UGT1A5: variants seen among roughly 807,000 people sequenced by gnomAD.
UGT1A5 encodes UDP glucuronosyltransferase family 1 member A5.
In UGT1A5, 29 loss-of-function variants were observed where a neutral mutation model predicts 40.3. The observed-to-expected ratio is 0.72, with a 90% CI of 0.54 to 0.98. UGT1A5 has a LOEUF of 0.98. UGT1A5 is among the 50% of genes least tolerant of loss of function. The pLI is 0.00. For synonymous variants in UGT1A5, 257 were observed against 262.5 expected (o/e 0.98, Z 0.20); for missense variants, 678 against 677.9 (o/e 1.00, Z 0.00).
At chr2:233,724,256 C>T (rs2077196929) in intron 1 of UGT1A5, among the ~76,000 whole-genome samples, 1 of 131,772 alleles carries the variant, frequency 7.6e-6, no homozygotes, top group African/African-American at 2.9e-5. Flanking sequence ...CGCCCCTCAC[C>T]TCCCGGACGG....
At position 233,719,697 on chromosome 2, in the gene UGT1A5, G is replaced by T. The variant is rs768448140; in HGVS notation, c.867+5839G>T. ...GAAGCCACTATCTCAGGTCTGTATT[G>T]GTGCCTTCATCCAATCAATGTTCCA... On this transcript the variant is annotated intron_variant, in intron 1 of 4. Coordinates refer to ENST00000373414, the MANE Select transcript of UGT1A5 (RefSeq NM_019078.2). 1.2e-5 allele frequency: 19 copies of T among 1,613,928 alleles called. No homozygotes were observed. In the South Asian group the frequency reaches 1.9e-4, roughly 16 times the overall value.
chr2:233,713,358 A>T lies in UGT1A5; in HGVS notation c.367A>T (p.Ile123Phe). ...RMAIMNNMSL[I>F]IHRSCVELLH... The stretch of plus-strand genomic sequence containing the variant: ...GGCAATTATGAACAATATGTCTTTG[A>T]TCATACATAGGTCTTGTGTGGAGCT... The change falls in exon 1 of 5, where the codon ATC becomes TTC. Residue 123 changes from isoleucine to phenylalanine, a missense_variant. Transcript: ENST00000373414. 1 of 1,614,168 alleles carries T rather than the reference A, an allele frequency of 6.2e-7. No homozygotes were observed. The highest frequency in any genetic ancestry group is 8.5e-7 in the Non-Finnish European group (1 of 1,180,034).
At chr2:233,743,465 CA>C (rs1314661599) in intron 1 of UGT1A5, 5 of 1,366,480 alleles carry the variant, frequency 3.7e-6, no homozygotes, top group Middle Eastern at 4.2e-4. Flanking sequence ...AAAACACCCC[CA>C]AAAGCTGGAA....
intron 1 of UGT1A5, chr2:233,760,670 C>T: frequency 6.2e-7 from 1 of 1,614,098 alleles, no homozygotes; most frequent in Non-Finnish European, 8.5e-7. Context: ...TCTGGCTGTT[C>T]CCACTTACTG....
chr2:233,770,760 A>G (rs1700148901), intron 4 of UGT1A5: 1 of 152,240 alleles, frequency 6.6e-6, no homozygotes, highest in Non-Finnish European at 1.5e-5. Context: ...CTAATATTAC[A>G]TTATAATAAT....
In UGT1A5 at chr2:233,727,075, A is replaced by C. The variant is rs1559371928; in HGVS notation, c.867+13217A>C. 2.0e-5 allele frequency among the ~76,000 whole-genome samples: 3 copies of C among 152,212 alleles called. No individual in the cohort carries two copies. The South Asian group carries it at 6.2e-4, about 32-fold the overall frequency. On this transcript the variant is annotated intron_variant, in intron 1 of 4. Transcript: ENST00000373414. Reference sequence around the variant, plus strand: ...TGAAGATTAGTTTCTGTGTTCTCTTACAAACATTAAAGAATTCCAGTTTGT... The same window carrying C: ...TGAAGATTAGTTTCTGTGTTCTCTTCCAAACATTAAAGAATTCCAGTTTGT...
intron 1 of UGT1A5, 83 bp downstream of exon 1, chr2:233,713,941 T>A: frequency 6.2e-7 from 1 of 1,610,292 alleles, no homozygotes; most frequent in Non-Finnish European, 8.5e-7. Context: ...TGCTTCCATA[T>A]CTACTTATCT....
At chr2:233,719,835 G>C (rs2076806850) in intron 1 of UGT1A5, 18 of 1,540,274 alleles carry the variant, frequency 1.2e-5, no homozygotes, top group Non-Finnish European at 1.6e-5. Context: ...GAGGGGCCTA[G>C]TGTATTTCAA....
chr2:233,760,289 T>C, intron 1 of UGT1A5: 1 of 1,613,270 alleles, frequency 6.2e-7, no homozygotes. Flanking sequence ...AAAGGCGCCA[T>C]GGCTGTGGAG....
At chr2:233,761,217 A>G (rs1266306783) in intron 1 of UGT1A5, 2 of 1,613,598 alleles carry the variant, frequency 1.2e-6, no homozygotes, top group Non-Finnish European at 1.7e-6. Flanking sequence ...GGATCGATTA[A>G]CTAGCCCCAG....
intron 1 of UGT1A5, chr2:233,719,658 A>C: frequency 1.2e-6 from 2 of 1,614,068 alleles, no homozygotes; most frequent in Non-Finnish European, 1.7e-6. Context: ...TGGGGGCATC[A>C]ACTGTGCCAA....
intron 1 of UGT1A5, chr2:233,721,701 C>T: frequency 2.8e-6 from 1 of 362,480 alleles, no homozygotes; most frequent in Non-Finnish European, 5.5e-6. Flanking sequence ...ACGCATGGCT[C>T]ATCTTGGATG....
chr2:233,743,534 T>C, intron 1 of UGT1A5: 1 of 1,367,218 alleles, frequency 7.3e-7, no homozygotes, highest in Non-Finnish European at 9.8e-7. Flanking sequence ...CCCCAGCAGT[T>C]CCTCTGACCC....
At chr2:233,747,932 G>C in intron 1 of UGT1A5, 1 of 1,613,428 alleles carries the variant, frequency 6.2e-7, no homozygotes, top group Non-Finnish European at 8.5e-7. Flanking sequence ...AGCTTTTTCA[G>C]AGGGAGGTGT....
intron 1 of UGT1A5, among the ~76,000 whole-genome samples, chr2:233,744,817 A>G (rs1304703196): frequency 6.6e-6 from 1 of 151,914 alleles, no homozygotes; most frequent in East Asian, 1.9e-4. Flanking sequence ...TTCCTGGCTC[A>G]TACTTTGAGA....
At chr2:233,747,144 A>C in intron 1 of UGT1A5, 1 of 1,563,462 alleles carries the variant, frequency 6.4e-7, no homozygotes, top group Non-Finnish European at 8.7e-7. Context: ...CAAGGTAATT[A>C]AGATGAAGAA....
intron 1 of UGT1A5, chr2:233,718,743 A>C: frequency 6.2e-7 from 1 of 1,612,082 alleles, no homozygotes; most frequent in Admixed American, 1.7e-5. Context: ...CTCAATGACA[A>C]GGTAATTAAG....
chr2:233,761,067 T>A, intron 1 of UGT1A5: 1 of 1,614,228 alleles, frequency 6.2e-7, no homozygotes, highest in Non-Finnish European at 8.5e-7. Context: ...GAAGTGACTT[T>A]GTGAAGGATT....
At chr2:233,744,484 GC>G (rs2125863541) in intron 1 of UGT1A5, among the ~76,000 whole-genome samples, 1 of 151,978 alleles carries the variant, frequency 6.6e-6, no homozygotes, top group Non-Finnish European at 1.5e-5. Context: ...TATTAATTGG[GC>G]AATTTAGTAA....
Sources: gnomAD v4.1 joint callset for allele counts (sites outside exome capture counted in the v4.1 genomes callset) on GRCh38, gnomAD v4.1.1 for gene constraint, MANE v1.5 for transcripts, NCBI Gene and HGNC (gene_info 2026-07-23, HGNC 2026-07-21) for gene names.